Variants in VSTM4 observed in about 807,000 individuals in gnomAD.
The protein encoded by VSTM4 is V-set and transmembrane domain containing 4, also known as V-set and transmembrane domain-containing protein 4.
VSTM4 carries 20 observed loss-of-function variants against 36.4 expected under a neutral mutation model. The ratio of observed to expected loss-of-function variants is 0.55; its 90% CI spans 0.39 to 0.80. VSTM4 has a LOEUF of 0.80. Ranked by LOEUF, VSTM4 falls within the 30% of genes least tolerant of loss-of-function variation. The pLI is 0.00. For missense variants in VSTM4, 392 were observed against 404.5 expected, an observed-to-expected ratio of 0.97 and a Z score of 0.26; for synonymous variants, 182 against 173.9, an observed-to-expected ratio of 1.05 and a Z score of -0.37.
intron 1 of VSTM4, among the ~76,000 whole-genome samples, chr10:49,109,939 C>T (rs1287299516): frequency 6.6e-6 from 1 of 152,234 alleles, no homozygotes; most frequent in East Asian, 1.9e-4. Context: ...GACATTTCTT[C>T]CTCACTGCTG....
chr10:49,074,281 C>T (rs752062442), intron 4 of VSTM4, among the ~76,000 whole-genome samples: 15 of 152,150 alleles, frequency 9.9e-5, no homozygotes, highest in Non-Finnish European at 1.5e-4. Flanking sequence ...CATAGTATAG[C>T]TCATCTATGA....
chr10:49,077,210 T>C lies in VSTM4; in HGVS notation c.634+9A>G, dbSNP rs1844194321. On this transcript the variant is annotated intron_variant, in intron 4 of 7. Transcript: ENST00000332853. ...CCCATCCCAGACATGACCTTATCTGTTTTCTTACCTCTGGATTTCCGCTTG... is the reference window on the plus strand; with the variant it reads ...CCCATCCCAGACATGACCTTATCTGCTTTCTTACCTCTGGATTTCCGCTTG... 4 of 1,613,478 alleles carry C rather than the reference T, an allele frequency of 2.5e-6. No homozygotes were observed. The East Asian group carries it at 8.9e-5, about 36-fold the overall frequency.
chr10:49,044,294 T>C (rs1458755306), intron 7 of VSTM4, among the ~76,000 whole-genome samples: 1 of 150,910 alleles, frequency 6.6e-6, no homozygotes, highest in Non-Finnish European at 1.5e-5. Context: ...TACCACTGCA[T>C]TCCAGCTTGG....
chr10:49,053,425 C>T (rs1843728945), intron 5 of VSTM4, among the ~76,000 whole-genome samples: 1 of 152,188 alleles, frequency 6.6e-6, no homozygotes, highest in South Asian at 2.1e-4. Context: ...CAAAAGGCCA[C>T]TAAAGCTGAT....
rs753977306 is a variant in VSTM4 at position 49,048,493 on chromosome 10, C to G, written c.760G>C (p.Ala254Pro). 1 of 1,593,326 alleles carries G rather than the reference C, an allele frequency of 6.3e-7. No homozygotes were observed. The highest frequency in any genetic ancestry group is 8.5e-7 in the Non-Finnish European group (1 of 1,173,164). The change falls in exon 6 of 8, where the codon GCA (alanine) becomes CCA (proline). Residue 254 changes from alanine to proline, a missense_variant. By Grantham distance (27) the Ala-to-Pro change is conservative. Transcript: ENST00000332853. ...RQKEKPDIPP[A>P]VPAKAPIAPT... ...AGCTCCTTACCTTTGGCAGGGACTG[C>G]GGGAGGAATGTCAGGCTTCTCCTTC...
intron 4 of VSTM4, among the ~76,000 whole-genome samples, chr10:49,073,069 G>A (rs73301000): frequency 0.057 from 8,690 of 152,206 alleles, 834 homozygotes; most frequent in African/African-American, 0.2. Context: ...CTTAAAACAA[G>A]GCCATATTTA....
intron 2 of VSTM4, among the ~76,000 whole-genome samples, chr10:49,105,233 GAGAC>G (rs1844755100): frequency 6.8e-6 from 1 of 147,952 alleles, no homozygotes; most frequent in Non-Finnish European, 1.5e-5. Context: ...GAGAGAGAGA[GAGAC>G]AGAGAGGGAA....
intron 5 of VSTM4, chr10:49,064,472 G>T: frequency 1.9e-6 from 1 of 532,792 alleles, no homozygotes; most frequent in Non-Finnish European, 3.3e-6. Context: ...CCTCCAGCAA[G>T]CCTGCTGGGC....
intron 1 of VSTM4, among the ~76,000 whole-genome samples, chr10:49,112,423 C>A (rs938445812): frequency 9.9e-5 from 15 of 152,250 alleles, no homozygotes; most frequent in Non-Finnish European, 2.1e-4. Flanking sequence ...CTGACAGAAC[C>A]AGGCCGGAAA....
intron 5 of VSTM4, among the ~76,000 whole-genome samples, chr10:49,054,006 G>C (rs1843737954): frequency 3.9e-5 from 6 of 152,230 alleles, no homozygotes; most frequent in Admixed American, 3.3e-4. Flanking sequence ...AGCTATGTTT[G>C]TGTCCATCCT....
chr10:49,052,905 C>A (rs921603048), intron 5 of VSTM4, among the ~76,000 whole-genome samples: 2 of 152,088 alleles, frequency 1.3e-5, no homozygotes, highest in African/African-American at 4.8e-5. Context: ...ATTCATATTT[C>A]GACAATTTGA....
At chr10:49,095,441 G>A (rs1844552745) in intron 2 of VSTM4, among the ~76,000 whole-genome samples, 1 of 152,088 alleles carries the variant, frequency 6.6e-6, no homozygotes, top group Non-Finnish European at 1.5e-5. Context: ...TTGGTACCAA[G>A]GTCCCCAGCT....
chr10:49,082,207 T>C (rs1590115269), intron 3 of VSTM4, among the ~76,000 whole-genome samples: 1 of 152,236 alleles, frequency 6.6e-6, no homozygotes, highest in East Asian at 1.9e-4. Flanking sequence ...ATTCATCCTT[T>C]ACCTTTTTAT....
chr10:49,053,263 C>A (rs1843726702), intron 5 of VSTM4, among the ~76,000 whole-genome samples: 1 of 152,196 alleles, frequency 6.6e-6, no homozygotes, highest in Non-Finnish European at 1.5e-5. Context: ...CAAGGGCAGG[C>A]AGGATGTCGC....
chr10:49,108,925 G>A (rs1411242843), intron 1 of VSTM4, among the ~76,000 whole-genome samples: 2 of 152,110 alleles, frequency 1.3e-5, no homozygotes, highest in Non-Finnish European at 2.9e-5. Context: ...CACGATTCAT[G>A]GTGTACCCTG....
At chr10:49,105,198 G>GAGAGAGAGAGAGAGAGAGAGAGAGAGA (rs1844752217) in intron 2 of VSTM4, among the ~76,000 whole-genome samples, 1 of 73,580 alleles carries the variant, frequency 1.4e-5, no homozygotes, top group Non-Finnish European at 2.8e-5. Context: ...AGAGAGAGAG[G>GAGAGAGAGAGAGAGAGAGAGAGAGAGA]GAGAGACAGA....
At chr10:49,067,612 G>A (rs545828087) in intron 4 of VSTM4, among the ~76,000 whole-genome samples, 9 of 152,344 alleles carry the variant, frequency 5.9e-5, no homozygotes, top group South Asian at 2.1e-4. Flanking sequence ...GGAGAGCAGC[G>A]GTCTCTAAAG....
intron 4 of VSTM4, among the ~76,000 whole-genome samples, chr10:49,071,446 G>A (rs968227465): frequency 6.6e-6 from 1 of 152,238 alleles, no homozygotes; most frequent in Non-Finnish European, 1.5e-5. Context: ...AAAGAGCAAG[G>A]ACAGAGACTT....
intron 7 of VSTM4, among the ~76,000 whole-genome samples, chr10:49,037,846 CAT>C (rs1409675789): frequency 6.7e-6 from 1 of 149,720 alleles, no homozygotes; most frequent in Non-Finnish European, 1.5e-5. Flanking sequence ...CTGACAAGAA[CAT>C]AAAAAGATGC....
Sources: allele counts gnomAD v4.1 joint callset (sites outside exome capture counted in the v4.1 genomes callset), GRCh38; gene constraint gnomAD v4.1.1; transcripts MANE v1.5; gene names NCBI Gene and HGNC (gene_info 2026-07-23, HGNC 2026-07-21).